Variants in RALYL observed in about 807,000 individuals in gnomAD.
RALYL encodes RALY RNA binding protein like.
RALYL carries 29 observed loss-of-function variants against 35.1 expected under a neutral mutation model. That is an observed-to-expected ratio of 0.83 (90% CI 0.61 to 1.13). The LOEUF is 1.13. Ranked by LOEUF, RALYL falls within the 50% of genes most tolerant of loss-of-function variation. The probability of loss-of-function intolerance (pLI) is 0.00; values close to 1 mark genes in which losing one functional copy is unlikely to be tolerated. For synonymous variants in RALYL, 120 were observed against 127.6 expected (o/e 0.94, Z 0.40); for missense variants, 359 against 360.4 (o/e 1.00, Z 0.03).
At chr8:84,739,368 G>A in intron 2 of RALYL, among the ~76,000 whole-genome samples, 1 of 151,620 alleles carries the variant, frequency 6.6e-6, no homozygotes, top group East Asian at 1.9e-4. Flanking sequence ...AAAAAACTAG[G>A]AAAAATTAAT....
chr8:84,211,094 T>C (rs891261737), intron 1 of RALYL, among the ~76,000 whole-genome samples: 15 of 152,152 alleles, frequency 9.9e-5, no homozygotes, highest in African/African-American at 3.6e-4. Context: ...ATATAATCCC[T>C]GAAAGATCAG....
intron 1 of RALYL, among the ~76,000 whole-genome samples, chr8:84,307,485 G>GA (rs536401065): frequency 4.0e-5 from 6 of 151,374 alleles, no homozygotes; most frequent in Non-Finnish European, 7.4e-5. Flanking sequence ...GCCAAATGAA[G>GA]AAAAAAAAGC....
At chr8:84,490,078 C>CGTGTGTGTGTGTGT (rs749952859) in intron 1 of RALYL, among the ~76,000 whole-genome samples, 1 of 91,846 alleles carries the variant, frequency 1.1e-5, no homozygotes, top group African/African-American at 3.4e-5. Context: ...TGCTTGCGTG[C>CGTGTGTGTGTGTGT]ATGTGTGTGT....
intron 1 of RALYL, among the ~76,000 whole-genome samples, chr8:84,384,529 C>T (rs192041215): frequency 4.9e-4 from 74 of 151,818 alleles, no homozygotes; most frequent in African/African-American, 1.7e-3. Context: ...ATACACATTT[C>T]AAGGACCATT....
intron 4 of RALYL, among the ~76,000 whole-genome samples, chr8:84,840,955 C>A (rs2134581696): frequency 6.6e-6 from 1 of 152,294 alleles, no homozygotes; most frequent in East Asian, 1.9e-4. Flanking sequence ...CCTAAAAGAG[C>A]TCCTGAAGGA....
At chr8:84,268,112 A>G (rs916750966) in intron 1 of RALYL, among the ~76,000 whole-genome samples, 1 of 152,224 alleles carries the variant, frequency 6.6e-6, no homozygotes. Context: ...AAAATAAACA[A>G]TTTGTGATGG....
chr8:84,190,152 G>A (rs993755080), intron 1 of RALYL, among the ~76,000 whole-genome samples: 4 of 152,176 alleles, frequency 2.6e-5, no homozygotes, highest in African/African-American at 9.7e-5. Context: ...TTTTGTGCAA[G>A]GAAAGCTGAA....
intron 2 of RALYL, among the ~76,000 whole-genome samples, chr8:84,575,998 G>A (rs1809330145): frequency 6.7e-6 from 1 of 149,118 alleles, no homozygotes; most frequent in African/African-American, 2.5e-5. Context: ...TATTGGATAT[G>A]AAACAAGTTA....
chr8:84,587,056 G>A (rs1041390842), intron 2 of RALYL, among the ~76,000 whole-genome samples: 2 of 152,146 alleles, frequency 1.3e-5, no homozygotes, highest in Non-Finnish European at 2.9e-5. Context: ...TCACACTTAA[G>A]AAGCAGAAAG....
chr8:84,781,927 A>T (rs567313876), intron 3 of RALYL, among the ~76,000 whole-genome samples: 1 of 152,210 alleles, frequency 6.6e-6, no homozygotes, highest in African/African-American at 2.4e-5. Flanking sequence ...CTGTTTTCTG[A>T]TGTAAACTTA....
chr8:84,701,027 G>A (rs970010131), intron 2 of RALYL, among the ~76,000 whole-genome samples: 1 of 152,162 alleles, frequency 6.6e-6, no homozygotes, highest in African/African-American at 2.4e-5. Flanking sequence ...AGAAAAGCCA[G>A]TGTTACCACA....
At chr8:84,853,587 G>T (rs1279104666) in intron 5 of RALYL, among the ~76,000 whole-genome samples, 3 of 152,190 alleles carry the variant, frequency 2.0e-5, no homozygotes, top group South Asian at 2.1e-4. Context: ...GTATGAAATA[G>T]ATCAGTATGG....
At chr8:84,214,689 C>T (rs1445557842) in intron 1 of RALYL, among the ~76,000 whole-genome samples, 1 of 152,094 alleles carries the variant, frequency 6.6e-6, no homozygotes, top group South Asian at 2.1e-4. Flanking sequence ...CAGTGCTACT[C>T]GAAGTGTAGT....
intron 2 of RALYL, among the ~76,000 whole-genome samples, chr8:84,542,904 G>A (rs558750650): frequency 1.8e-4 from 27 of 152,204 alleles, no homozygotes; most frequent in African/African-American, 6.0e-4. Flanking sequence ...GAGATTCATT[G>A]ACACGTCCCT....
intron 2 of RALYL, among the ~76,000 whole-genome samples, chr8:84,683,181 G>A (rs1254001309): frequency 4.6e-5 from 7 of 152,104 alleles, no homozygotes; most frequent in Non-Finnish European, 7.4e-5. Context: ...CTGAGTTCTA[G>A]TTTGATTGCA....
At chr8:84,299,474 G>T (rs537406812) in intron 1 of RALYL, among the ~76,000 whole-genome samples, 2 of 151,904 alleles carry the variant, frequency 1.3e-5, no homozygotes, top group African/African-American at 4.8e-5. Flanking sequence ...GGATGATACT[G>T]GCCTCATAGA....
At chr8:84,219,547 T>C (rs889724333) in intron 1 of RALYL, among the ~76,000 whole-genome samples, 1 of 151,912 alleles carries the variant, frequency 6.6e-6, no homozygotes, top group African/African-American at 2.4e-5. Flanking sequence ...CTTGCCTTTT[T>C]CACTCACACT....
intron 1 of RALYL, among the ~76,000 whole-genome samples, chr8:84,281,962 A>G (rs1836662601): frequency 6.6e-6 from 1 of 151,952 alleles, no homozygotes; most frequent in Non-Finnish European, 1.5e-5. Context: ...CTACTCTTCT[A>G]TTTGTACTCT....
intron 2 of RALYL, among the ~76,000 whole-genome samples, chr8:84,555,273 A>G (rs906923145): frequency 1.3e-5 from 2 of 149,086 alleles, no homozygotes; most frequent in Middle Eastern, 3.4e-3. Context: ...GTGAGACTCC[A>G]TCTCAATATA....
Sources: allele counts gnomAD v4.1 joint callset (sites outside exome capture counted in the v4.1 genomes callset), GRCh38; gene constraint gnomAD v4.1.1; transcripts MANE v1.5; gene names NCBI Gene and HGNC (gene_info 2026-07-23, HGNC 2026-07-21).